HACD3: variants seen among roughly 807,000 people sequenced by gnomAD.
HACD3 encodes the protein very-long-chain (3R)-3-hydroxyacyl-CoA dehydratase 3.
Under a neutral mutation model 55.2 loss-of-function variants are expected in HACD3, and 30 were observed. The ratio of observed to expected loss-of-function variants is 0.54; its 90% CI spans 0.41 to 0.74. The LOEUF (loss-of-function observed/expected upper bound fraction) is 0.74, where lower values mean the gene tolerates loss of function less well. HACD3 is among the 30% of genes least tolerant of loss of function. The pLI is 0.00. For missense variants in HACD3, 363 were observed against 440.1 expected (o/e 0.82, Z 1.57); for synonymous variants, 141 against 151.7 (o/e 0.93, Z 0.52).
intron 1 of HACD3, among the ~76,000 whole-genome samples, chr15:65,538,727 T>C (rs945109405): frequency 2.6e-5 from 4 of 152,226 alleles, no homozygotes; most frequent in Middle Eastern, 3.2e-3. Context: ...AAATCTTTAG[T>C]GAAGGAAAGA....
intron 7 of HACD3, chr15:65,565,257 T>G (rs1030008156): frequency 6.5e-6 from 1 of 153,160 alleles, no homozygotes; most frequent in Non-Finnish European, 1.5e-5. Flanking sequence ...TGGTGCAAGC[T>G]GTCAGTGGAT....
At chr15:65,543,848 G>C in intron 1 of HACD3, among the ~76,000 whole-genome samples, 1 of 152,172 alleles carries the variant, frequency 6.6e-6, no homozygotes, top group East Asian at 1.9e-4. Flanking sequence ...GAGTAATAAT[G>C]GTAATGGAAT....
chr15:65,556,683 G>A, intron 3 of HACD3, 56 bp from the exon 4 acceptor site: 1 of 1,518,106 alleles, frequency 6.6e-7, no homozygotes, highest in East Asian at 2.3e-5. Flanking sequence ...CCCCTGGCAT[G>A]GTGCTGCTTC....
chr15:65,571,206 C>T (rs1234323282), intron 8 of HACD3, among the ~76,000 whole-genome samples: 2 of 152,186 alleles, frequency 1.3e-5, no homozygotes, highest in Non-Finnish European at 2.9e-5. Context: ...TTGGTAACAA[C>T]TCACTTATCC....
At chr15:65,545,214 C>T (rs1055790450) in intron 1 of HACD3, among the ~76,000 whole-genome samples, 2 of 152,086 alleles carry the variant, frequency 1.3e-5, no homozygotes, top group Non-Finnish European at 2.9e-5. Context: ...CAGTCACCTT[C>T]TCAATTTAAT....
intron 1 of HACD3, chr15:65,534,356 G>A (rs1454425214): frequency 6.6e-6 from 1 of 152,230 alleles, no homozygotes; most frequent in African/African-American, 2.4e-5. Flanking sequence ...CAGGGCTAGT[G>A]ACTATGAGAG....
In HACD3 at chr15:65,577,722, TC is replaced by T. The variant is rs2072421991; in HGVS notation, c.*1344del. On this transcript the variant is annotated 3_prime_UTR_variant, in exon 11 of 11. Coordinates refer to ENST00000261875, the MANE Select transcript of HACD3 (RefSeq NM_016395.4). The stretch of plus-strand genomic sequence containing the variant: ...TTTTTGAATAGACCTCAAAAATACT[TC>T]ATTCTGCTGCTGTTCAGTTGGCTTT... 6.6e-6 allele frequency: 1 copy of T among 152,268 alleles called. No individual in the cohort carries two copies. Among genetic ancestry groups the T allele is most frequent in the South Asian group, 2.1e-4 (1 of 4,832 alleles). The allele number at this position is 152,268 out of a possible 1,614,324, so 9.4% of individuals were successfully genotyped here.
chr15:65,553,748 C>G (rs1054594967), intron 2 of HACD3, among the ~76,000 whole-genome samples: 2 of 152,180 alleles, frequency 1.3e-5, no homozygotes, highest in Non-Finnish European at 2.9e-5. Flanking sequence ...TAATTGCTAC[C>G]TGTAGCGAAT....
At chr15:65,547,314 A>G (rs565157432) in intron 1 of HACD3, among the ~76,000 whole-genome samples, 3 of 152,092 alleles carry the variant, frequency 2.0e-5, no homozygotes, top group African/African-American at 7.2e-5. Flanking sequence ...ACAGGGTTTC[A>G]CCATATTGGT....
chr15:65,544,050 G>A (rs572278042), intron 1 of HACD3, among the ~76,000 whole-genome samples: 50 of 152,188 alleles, frequency 3.3e-4, no homozygotes, highest in Non-Finnish European at 6.3e-4. Flanking sequence ...GGTGGTGGGC[G>A]CCTGTAGTCC....
At chr15:65,570,067 C>G in intron 7 of HACD3, 24 bp from the exon 8 acceptor site, 1 of 1,441,452 alleles carries the variant, frequency 6.9e-7, no homozygotes, top group Non-Finnish European at 9.5e-7. Context: ...TAACTTTTTT[C>G]TCTCTTTTGG....
chr15:65,546,236 G>C (rs2072075892), intron 1 of HACD3, among the ~76,000 whole-genome samples: 1 of 127,776 alleles, frequency 7.8e-6, no homozygotes, highest in South Asian at 2.6e-4. Context: ...TTTAAGTTAA[G>C]TTTTAGAGTG....
intron 2 of HACD3, among the ~76,000 whole-genome samples, chr15:65,554,115 GTCC>G (rs747632118): frequency 1.4e-4 from 22 of 152,176 alleles, no homozygotes; most frequent in Admixed American, 9.8e-4. Context: ...ATTCAGAGCT[GTCC>G]AAGACAACCC....
intron 9 of HACD3, 134 bp from the exon 10 acceptor site, chr15:65,572,101 T>C: frequency 8.7e-7 from 1 of 1,152,102 alleles, no homozygotes; most frequent in Non-Finnish European, 1.3e-6. Flanking sequence ...AGGCATGAGC[T>C]TTCTGTACAA....
intron 2 of HACD3, among the ~76,000 whole-genome samples, chr15:65,553,875 G>T (rs542520643): frequency 6.6e-6 from 1 of 152,264 alleles, no homozygotes; most frequent in African/African-American, 2.4e-5. Flanking sequence ...GCAGCTGCTG[G>T]GTCCAGCAGT....
chr15:65,533,920 C>T (rs1327952900), intron 1 of HACD3, among the ~76,000 whole-genome samples: 9 of 151,658 alleles, frequency 5.9e-5, no homozygotes, highest in Non-Finnish European at 1.2e-4. Flanking sequence ...GGCGTGGTGG[C>T]GGGCGCCTAT....
At chr15:65,562,466 A>G (rs996536275) in intron 5 of HACD3, among the ~76,000 whole-genome samples, 8 of 152,202 alleles carry the variant, frequency 5.3e-5, no homozygotes, top group African/African-American at 1.4e-4. Context: ...ATATATACAT[A>G]TACACATATC....
intron 1 of HACD3, among the ~76,000 whole-genome samples, chr15:65,548,643 G>T (rs965707260): frequency 6.6e-6 from 1 of 151,892 alleles, no homozygotes; most frequent in Non-Finnish European, 1.5e-5. Context: ...TGCAATAAAA[G>T]CTCACTGCAG....
At chr15:65,551,235 C>T (rs894333317) in intron 1 of HACD3, 1 of 161,122 alleles carries the variant, frequency 6.2e-6, no homozygotes. Flanking sequence ...TGCCTTTTAC[C>T]ACCCTTTTCG....
Sources: gnomAD v4.1 joint callset for allele counts (sites outside exome capture counted in the v4.1 genomes callset) on GRCh38, gnomAD v4.1.1 for gene constraint, MANE v1.5 for transcripts, NCBI Gene and HGNC (gene_info 2026-07-23, HGNC 2026-07-21) for gene names.